Variants in MAP3K13 observed in about 807,000 individuals in gnomAD.
MAP3K13 encodes the protein leucine zipper-bearing kinase.
Under a neutral mutation model 104.0 loss-of-function variants are expected in MAP3K13, and 52 were observed. The observed-to-expected ratio is 0.50, with a 90% CI of 0.40 to 0.63. The LOEUF is 0.63. Among genes scored for constraint, MAP3K13 ranks in the 20% least tolerant of loss-of-function variants. The pLI is 0.00. For synonymous variants in MAP3K13, 394 were observed against 442.2 expected (o/e 0.89, Z 1.37); for missense variants, 914 against 1,218.5 (o/e 0.75, Z 3.72).
At chr3:185,379,064 C>A (rs555535770) in intron 1 of MAP3K13, among the ~76,000 whole-genome samples, 1 of 152,072 alleles carries the variant, frequency 6.6e-6, no homozygotes. Flanking sequence ...GGTAGAGACA[C>A]GGAGAAAGGG....
At chr3:185,433,410 C>A (rs1402733696) in intron 2 of MAP3K13, among the ~76,000 whole-genome samples, 3 of 152,136 alleles carry the variant, frequency 2.0e-5, no homozygotes, top group African/African-American at 7.2e-5. Flanking sequence ...GTAGTCAGTT[C>A]TTCATTATTA....
intron 2 of MAP3K13, among the ~76,000 whole-genome samples, chr3:185,304,750 C>T (rs1721223041): frequency 6.6e-6 from 1 of 152,182 alleles, no homozygotes; most frequent in Admixed American, 6.5e-5. Context: ...TCTCCTGCCT[C>T]AGCCTCCCGA....
intron 2 of MAP3K13, among the ~76,000 whole-genome samples, chr3:185,290,179 G>T (rs142051434): frequency 5.9e-5 from 9 of 151,774 alleles, no homozygotes; most frequent in Non-Finnish European, 4.4e-5. Context: ...TAGTTTTAGC[G>T]TAAGTTCAAT....
chr3:185,408,315 G>A (rs1577520261), intron 1 of MAP3K13, among the ~76,000 whole-genome samples: 1 of 152,202 alleles, frequency 6.6e-6, no homozygotes, highest in East Asian at 1.9e-4. Context: ...TGTAATCCCA[G>A]CCTGTAATCC....
chr3:185,400,905 G>GTTTTT (rs71164506), intron 1 of MAP3K13, among the ~76,000 whole-genome samples: 163 of 107,216 alleles, frequency 1.5e-3, no homozygotes, highest in East Asian at 2.2e-3. Flanking sequence ...GTGTTTGTTT[G>GTTTTT]TTTTTTTTTT....
At chr3:185,393,461 T>C (rs1712188843) in intron 1 of MAP3K13, among the ~76,000 whole-genome samples, 1 of 70,182 alleles carries the variant, frequency 1.4e-5, no homozygotes, top group Non-Finnish European at 3.5e-5. Flanking sequence ...GTTGTAAGTA[T>C]CTTTTTTTTT....
intron 2 of MAP3K13, among the ~76,000 whole-genome samples, chr3:185,287,592 A>C: frequency 6.6e-6 from 1 of 152,180 alleles, no homozygotes; most frequent in Middle Eastern, 3.4e-3. Flanking sequence ...AATTATATGA[A>C]AATTTAAATA....
chr3:185,355,154 A>C lies in MAP3K13; in HGVS notation c.-86+69511A>C, dbSNP rs375766599. 2.3e-4 allele frequency among the ~76,000 whole-genome samples: 35 copies of C among 152,102 alleles called. No individual in the cohort carries two copies. In the South Asian group the frequency reaches 7.3e-3, roughly 32 times the overall value. ...TATTTCTGGAATTTAGATATCTGAA[A>C]CTCCAAAAGAGTGTAATATAATGAA... On this transcript the variant is annotated intron_variant, in intron 2 of 14. Coordinates refer to the MAP3K13 transcript ENST00000424227.
intron 8 of MAP3K13, among the ~76,000 whole-genome samples, chr3:185,465,140 G>A (rs1018891072): frequency 1.3e-5 from 2 of 152,104 alleles, no homozygotes; most frequent in African/African-American, 4.8e-5. Flanking sequence ...ACCATGCCGG[G>A]CTAATTTTTG....
At chr3:185,393,954 G>A (rs896098720) in intron 1 of MAP3K13, among the ~76,000 whole-genome samples, 4 of 152,084 alleles carry the variant, frequency 2.6e-5, no homozygotes, top group African/African-American at 4.8e-5. Flanking sequence ...ATGTGATGAC[G>A]GTTAGCAAGG....
intron 2 of MAP3K13, among the ~76,000 whole-genome samples, chr3:185,335,914 C>T (rs1722484595): frequency 6.6e-6 from 1 of 152,044 alleles, no homozygotes; most frequent in Non-Finnish European, 1.5e-5. Context: ...GTTATTAACC[C>T]TTTGCTTCTC....
At chr3:185,347,031 G>C (rs1258877581) in intron 2 of MAP3K13, among the ~76,000 whole-genome samples, 2 of 142,508 alleles carry the variant, frequency 1.4e-5, no homozygotes, top group African/African-American at 5.5e-5. Context: ...TCCATCACCA[G>C]GCTGGAGTGC....
At chr3:185,424,655 T>C (rs1420085805) in intron 1 of MAP3K13, among the ~76,000 whole-genome samples, 1 of 152,182 alleles carries the variant, frequency 6.6e-6, no homozygotes, top group Non-Finnish European at 1.5e-5. Context: ...ACAAACCAGA[T>C]TGCTGTTGTT....
chr3:185,286,662 TA>T (rs1334300955), intron 2 of MAP3K13, among the ~76,000 whole-genome samples: 5 of 152,150 alleles, frequency 3.3e-5, no homozygotes, highest in African/African-American at 1.2e-4. Flanking sequence ...GGGAAAACAA[TA>T]AAAAGAACTT....
At chr3:185,336,499 G>A (rs56263464) in intron 2 of MAP3K13, among the ~76,000 whole-genome samples, 12,380 of 147,768 alleles carry the variant, frequency 0.084, 696 homozygotes, top group East Asian at 0.2. Flanking sequence ...CCGAGATGGC[G>A]CCATTGCACT....
chr3:185,477,349 GGAA>G lies in MAP3K13; in HGVS notation c.2459_2461del (p.Glu820del). The G allele has an allele frequency of 6.2e-7, 1 of 1,612,266 alleles. No individual in the cohort carries two copies. Among genetic ancestry groups the G allele is most frequent in the Non-Finnish European group, 8.5e-7 (1 of 1,178,354 alleles). ...AGAGTGGAGATGACTCCTCAGAAGA[GGAA>G]GAAGGGGAAGTAGATAGTGAAGTTG... On this transcript the variant is annotated inframe_deletion, in exon 12 of 14. Coordinates refer to ENST00000265026, the MANE Select transcript of MAP3K13 (RefSeq NM_004721.5).
At chr3:185,335,334 A>C (rs1722445334) in intron 2 of MAP3K13, among the ~76,000 whole-genome samples, 1 of 152,180 alleles carries the variant, frequency 6.6e-6, no homozygotes, top group African/African-American at 2.4e-5. Flanking sequence ...TTGATACAAA[A>C]TAATGTAATT....
chr3:185,456,603 T>TC (rs1716764488), intron 7 of MAP3K13, among the ~76,000 whole-genome samples: 1 of 146,172 alleles, frequency 6.8e-6, no homozygotes, highest in Non-Finnish European at 1.5e-5. Context: ...CTCCTTTTTT[T>TC]TTTTTTTTTT....
At chr3:185,399,136 C>T (rs1010741974) in intron 1 of MAP3K13, among the ~76,000 whole-genome samples, 1 of 151,928 alleles carries the variant, frequency 6.6e-6, no homozygotes, top group Non-Finnish European at 1.5e-5. Flanking sequence ...GAAAGGAACA[C>T]TGTTGGGTTG....
Sources: gnomAD v4.1 joint callset for allele counts (sites outside exome capture counted in the v4.1 genomes callset) on GRCh38, gnomAD v4.1.1 for gene constraint, MANE v1.5 for transcripts, NCBI Gene and HGNC (gene_info 2026-07-23, HGNC 2026-07-21) for gene names.